Variants in KCNG3 observed in about 807,000 individuals in gnomAD.
The protein encoded by KCNG3 is voltage-gated potassium channel regulatory subunit KCNG3.
Under a neutral mutation model 29.0 loss-of-function variants are expected in KCNG3, and 15 were observed. That is an observed-to-expected ratio of 0.52 (90% CI 0.35 to 0.80). The LOEUF is 0.80. Ranked by LOEUF, KCNG3 falls within the 30% of genes least tolerant of loss-of-function variation. KCNG3 has a pLI of 0.01. For missense variants in KCNG3, 512 were observed against 605.7 expected (o/e 0.85, Z 1.62); for synonymous variants, 322 against 248.9 (o/e 1.29, Z -2.76).
chr2:42,471,804 A>T (rs752958308), intron 1 of KCNG3, among the ~76,000 whole-genome samples: 2 of 151,504 alleles, frequency 1.3e-5, no homozygotes, highest in African/African-American at 2.4e-5. Flanking sequence ...GAACTGCTCT[A>T]GCCCAGGAGG....
rs571557959 is a variant in KCNG3 at position 42,456,894 on chromosome 2, A to T, written c.666-12315T>A. Among the ~76,000 whole-genome samples the T allele has an allele frequency of 1.3e-5, 2 of 152,314 alleles. 1 individual carries two copies. The highest frequency in any genetic ancestry group is 4.1e-4 in the South Asian group (2 of 4,820). ...ACCTAGAGTCTTTCATGTCCTTATAAGAGTTTTCTCCACAACAATTGGTTA... is the reference window on the plus strand; with the variant it reads ...ACCTAGAGTCTTTCATGTCCTTATATGAGTTTTCTCCACAACAATTGGTTA... On this transcript the variant is annotated intron_variant, in intron 1 of 1. Transcript: ENST00000306078.
At chr2:42,416,396 G>A in the KCNG3 span, among the ~76,000 whole-genome samples, 1 of 152,112 alleles carries the variant, frequency 6.6e-6, no homozygotes, top group Non-Finnish European at 1.5e-5. Flanking sequence ...AAGATTGCTT[G>A]TGCCCAGAAG....
intron 1 of KCNG3, among the ~76,000 whole-genome samples, chr2:42,477,429 T>C (rs200453791): frequency 4.4e-5 from 1 of 22,876 alleles, no homozygotes; most frequent in African/African-American, 8.3e-5. Context: ...ACACATATAT[T>C]TTTTTTTTTT....
intron 1 of KCNG3, among the ~76,000 whole-genome samples, chr2:42,462,856 C>T (rs1673051308): frequency 6.6e-6 from 1 of 152,124 alleles, no homozygotes; most frequent in East Asian, 1.9e-4. Flanking sequence ...TATACATAAT[C>T]ATCTTCCACT....
At chr2:42,450,263 C>G (rs1321962696) in intron 1 of KCNG3, among the ~76,000 whole-genome samples, 2 of 152,138 alleles carry the variant, frequency 1.3e-5, no homozygotes, top group African/African-American at 4.8e-5. Flanking sequence ...TTCTGCTTGC[C>G]CACACCTTAG....
chr2:42,404,849 T>A, the KCNG3 span, among the ~76,000 whole-genome samples: 1 of 152,176 alleles, frequency 6.6e-6, no homozygotes, highest in African/African-American at 2.4e-5. Flanking sequence ...AAGCCATGGT[T>A]AAAACCACCA....
chr2:42,435,610 A>C, the KCNG3 span, among the ~76,000 whole-genome samples: 1 of 152,208 alleles, frequency 6.6e-6, no homozygotes, highest in African/African-American at 2.4e-5. Flanking sequence ...CAGGGGTTTA[A>C]GTAGACATTT....
At chr2:42,402,957 T>C in the KCNG3 span, among the ~76,000 whole-genome samples, 1 of 152,242 alleles carries the variant, frequency 6.6e-6, no homozygotes, top group African/African-American at 2.4e-5. Context: ...CACATTGAAT[T>C]TATAGATCAA....
chr2:42,457,441 G>C (rs1454553839), intron 1 of KCNG3, among the ~76,000 whole-genome samples: 1 of 151,892 alleles, frequency 6.6e-6, no homozygotes, highest in Non-Finnish European at 1.5e-5. Flanking sequence ...GCTGAAGTGA[G>C]CTGTGATTGT....
At chr2:42,431,757 G>T in the KCNG3 span, among the ~76,000 whole-genome samples, 20 of 152,286 alleles carry the variant, frequency 1.3e-4, no homozygotes, top group African/African-American at 4.8e-4. Context: ...TGGGCTTAGG[G>T]CAGGGCATAG....
At chr2:42,438,913 T>C (rs1382987052), downstream of KCNG3, among the ~76,000 whole-genome samples, 1 of 152,066 alleles carries the variant, frequency 6.6e-6, no homozygotes. Flanking sequence ...TGAAACACCA[T>C]AGGAAAGAAC....
At chr2:42,483,962 T>A (rs1364334545) in intron 1 of KCNG3, among the ~76,000 whole-genome samples, 1 of 152,090 alleles carries the variant, frequency 6.6e-6, no homozygotes, top group African/African-American at 2.4e-5. Context: ...CGGCTAAATT[T>A]TGTAGAGACG....
chr2:42,462,539 G>A (rs572370903), intron 1 of KCNG3, among the ~76,000 whole-genome samples: 9 of 152,156 alleles, frequency 5.9e-5, no homozygotes, highest in South Asian at 2.1e-4. Flanking sequence ...AAAATTAGCC[G>A]GGCGTGGTGG....
At chr2:42,478,438 C>A (rs1673496676) in intron 1 of KCNG3, among the ~76,000 whole-genome samples, 1 of 151,790 alleles carries the variant, frequency 6.6e-6, no homozygotes, top group African/African-American at 2.4e-5. Flanking sequence ...ATGATATTGC[C>A]CAGGCTGGTC....
intron 1 of KCNG3, among the ~76,000 whole-genome samples, chr2:42,471,252 A>G (rs1424961274): frequency 6.6e-6 from 1 of 152,114 alleles, no homozygotes; most frequent in Non-Finnish European, 1.5e-5. Flanking sequence ...ATAATCAAAA[A>G]GTAAAAACAA....
intron 1 of KCNG3, among the ~76,000 whole-genome samples, chr2:42,488,491 C>G (rs1427529803): frequency 6.6e-6 from 1 of 152,054 alleles, no homozygotes; most frequent in Non-Finnish European, 1.5e-5. Context: ...CCTCCCACCT[C>G]AGCCTCTGGA....
the KCNG3 span, among the ~76,000 whole-genome samples, chr2:42,410,641 T>A: frequency 6.6e-6 from 1 of 152,222 alleles, no homozygotes; most frequent in Non-Finnish European, 1.5e-5. Context: ...CTCATTTTCC[T>A]ATTTGGTTGT....
At chr2:42,413,266 A>G in the KCNG3 span, among the ~76,000 whole-genome samples, 7 of 152,182 alleles carry the variant, frequency 4.6e-5, no homozygotes, top group Non-Finnish European at 1.0e-4. Flanking sequence ...CAGCATCCTG[A>G]GTAGCTGAGA....
At chr2:42,439,909 CT>C (rs1462095877), downstream of KCNG3, among the ~76,000 whole-genome samples, 2 of 152,124 alleles carry the variant, frequency 1.3e-5, no homozygotes, top group East Asian at 3.8e-4. Flanking sequence ...TCCCAAAGTG[CT>C]CGGATTACAG....
Sources: gnomAD v4.1 joint callset for allele counts (sites outside exome capture counted in the v4.1 genomes callset) on GRCh38, gnomAD v4.1.1 for gene constraint, MANE v1.5 for transcripts, NCBI Gene and HGNC (gene_info 2026-07-23, HGNC 2026-07-21) for gene names.